LRRTM4: variants seen among roughly 807,000 people sequenced by gnomAD.
LRRTM4 encodes leucine rich repeat transmembrane neuronal 4, also known as leucine-rich repeat transmembrane neuronal protein 4.
A neutral mutation model predicts 47.6 loss-of-function variants in LRRTM4; 25 were observed. The observed-to-expected ratio is 0.53, with a 90% CI of 0.38 to 0.73. The LOEUF (loss-of-function observed/expected upper bound fraction) is 0.73, where lower values mean the gene tolerates loss of function less well. LRRTM4 is among the 30% of genes least tolerant of loss of function. The pLI is 0.00. For synonymous variants in LRRTM4, 311 were observed against 269.5 expected, an observed-to-expected ratio of 1.15 and a Z score of -1.51; for missense variants, 638 against 713.4, an observed-to-expected ratio of 0.89 and a Z score of 1.20.
At chr2:77,444,581 C>T (rs1366894813) in intron 3 of LRRTM4, among the ~76,000 whole-genome samples, 1 of 151,922 alleles carries the variant, frequency 6.6e-6, no homozygotes, top group East Asian at 1.9e-4. Context: ...TTTAGTATTT[C>T]ACTTCATGCA....
At chr2:77,307,264 G>C (rs1269995101) in intron 3 of LRRTM4, among the ~76,000 whole-genome samples, 2 of 151,668 alleles carry the variant, frequency 1.3e-5, no homozygotes, top group East Asian at 3.9e-4. Flanking sequence ...ATAAATTAAA[G>C]ACCAATCTGA....
At chr2:77,026,731 T>C (rs534019965) in intron 3 of LRRTM4, among the ~76,000 whole-genome samples, 1 of 152,154 alleles carries the variant, frequency 6.6e-6, no homozygotes, top group South Asian at 2.1e-4. Context: ...TATACAAACA[T>C]ATATTCACAT....
chr2:76,996,723 T>C (rs925002902), intron 3 of LRRTM4, among the ~76,000 whole-genome samples: 1 of 152,088 alleles, frequency 6.6e-6, no homozygotes, highest in East Asian at 1.9e-4. Context: ...ATGCACACTG[T>C]TAGTAATGAT....
chr2:77,419,871 C>T (rs922154683), intron 3 of LRRTM4, among the ~76,000 whole-genome samples: 3 of 152,002 alleles, frequency 2.0e-5, no homozygotes, highest in Non-Finnish European at 4.4e-5. Context: ...AGGAAAGGAA[C>T]GATTAAGTAA....
At chr2:76,752,515 G>C (rs1672886943) in intron 3 of LRRTM4, among the ~76,000 whole-genome samples, 1 of 152,124 alleles carries the variant, frequency 6.6e-6, no homozygotes, top group Admixed American at 6.6e-5. Flanking sequence ...AAACCTCTTG[G>C]AGAGTAAAAA....
chr2:77,495,836 A>G (rs1678342701), intron 3 of LRRTM4, among the ~76,000 whole-genome samples: 1 of 151,934 alleles, frequency 6.6e-6, no homozygotes, highest in Non-Finnish European at 1.5e-5. Context: ...CTTCCTTTAC[A>G]CAATTGTTTT....
Position 77,296,872 on chromosome 2 carries a change from C to G in LRRTM4, c.1551+221446G>C, listed in dbSNP as rs1321186413. Among the ~76,000 whole-genome samples, 3 of 152,262 alleles carry G rather than the reference C, an allele frequency of 2.0e-5. No homozygotes were observed. In the East Asian group the frequency reaches 5.8e-4, roughly 29 times the overall value. ...TAAAGGAATTCCTGTCCACTTTTCT[C>G]GTTCTGAGTTAAGATGCATAGTGAC... On this transcript the variant is annotated intron_variant, in intron 3 of 3. Transcript: ENST00000409884.
intron 3 of LRRTM4, among the ~76,000 whole-genome samples, chr2:77,255,628 T>G (rs981562658): frequency 6.6e-6 from 1 of 151,812 alleles, no homozygotes; most frequent in Non-Finnish European, 1.5e-5. Flanking sequence ...AACAGGAAAA[T>G]CCACAAATAT....
At chr2:77,194,368 A>C (rs1248073513) in intron 3 of LRRTM4, among the ~76,000 whole-genome samples, 1 of 152,046 alleles carries the variant, frequency 6.6e-6, no homozygotes, top group Non-Finnish European at 1.5e-5. Context: ...GACAGAAACC[A>C]CTCTATGTAT....
chr2:77,242,107 A>G (rs780480269), intron 3 of LRRTM4, among the ~76,000 whole-genome samples: 15 of 152,096 alleles, frequency 9.9e-5, no homozygotes, highest in Non-Finnish European at 1.9e-4. Context: ...TTTAAAGATT[A>G]TTTGGTTATT....
intron 3 of LRRTM4, among the ~76,000 whole-genome samples, chr2:77,326,560 T>C (rs1670783897): frequency 6.6e-6 from 1 of 152,032 alleles, no homozygotes; most frequent in African/African-American, 2.4e-5. Context: ...TTCCTGGCTA[T>C]TGGTTTTTTA....
intron 3 of LRRTM4, among the ~76,000 whole-genome samples, chr2:76,999,175 G>A (rs1021362211): frequency 6.6e-5 from 10 of 151,972 alleles, no homozygotes; most frequent in African/African-American, 1.7e-4. Context: ...ATAGATAGTA[G>A]AAGGGCCACA....
intron 3 of LRRTM4, among the ~76,000 whole-genome samples, chr2:77,022,736 TC>T: frequency 6.6e-6 from 1 of 152,348 alleles, no homozygotes; most frequent in Middle Eastern, 3.4e-3. Flanking sequence ...AGAAATGGGT[TC>T]CCATGGTCTT....
chr2:77,096,419 GA>G (rs927401757), intron 3 of LRRTM4, among the ~76,000 whole-genome samples: 2 of 151,072 alleles, frequency 1.3e-5, no homozygotes, highest in African/African-American at 2.4e-5. Context: ...CAGGAGTAAA[GA>G]AAAAAACTCA....
chr2:76,802,645 G>T (rs1201362561), intron 3 of LRRTM4, among the ~76,000 whole-genome samples: 1 of 151,940 alleles, frequency 6.6e-6, no homozygotes, highest in African/African-American at 2.4e-5. Context: ...AGATCCCAAA[G>T]ATCCAAAATA....
At chr2:76,803,655 G>A (rs1320580010) in intron 3 of LRRTM4, among the ~76,000 whole-genome samples, 1 of 152,130 alleles carries the variant, frequency 6.6e-6, no homozygotes, top group East Asian at 1.9e-4. Flanking sequence ...TTTTTAAAGA[G>A]TATTTGAAGA....
chr2:77,270,836 T>C (rs779167595), intron 3 of LRRTM4, among the ~76,000 whole-genome samples: 1 of 152,258 alleles, frequency 6.6e-6, no homozygotes, highest in Non-Finnish European at 1.5e-5. Context: ...ACCCTTCACC[T>C]ATTTCATGTG....
chr2:77,148,005 G>T (rs1362090987), intron 3 of LRRTM4, among the ~76,000 whole-genome samples: 1 of 152,010 alleles, frequency 6.6e-6, no homozygotes, highest in Non-Finnish European at 1.5e-5. Flanking sequence ...GAAAAAATTT[G>T]CAAATCTTAT....
chr2:77,222,020 T>G (rs1468594889), intron 3 of LRRTM4, among the ~76,000 whole-genome samples: 2 of 152,086 alleles, frequency 1.3e-5, no homozygotes, highest in African/African-American at 4.8e-5. Flanking sequence ...CAGACCACAG[T>G]GCAATCAAAC....
Sources: allele counts gnomAD v4.1 joint callset (sites outside exome capture counted in the v4.1 genomes callset), GRCh38; gene constraint gnomAD v4.1.1; transcripts MANE v1.5; gene names NCBI Gene and HGNC (gene_info 2026-07-23, HGNC 2026-07-21).